The following FREM2 variants were observed in gnomAD, a reference collection of about 807,000 sequenced individuals.
The protein encoded by FREM2 is FRAS1 related extracellular matrix 2.
FREM2 carries 119 observed loss-of-function variants against 219.9 expected under a neutral mutation model. The ratio of observed to expected loss-of-function variants is 0.54; its 90% CI spans 0.47 to 0.63. The LOEUF (loss-of-function observed/expected upper bound fraction) is 0.63, where lower values mean the gene tolerates loss of function less well. Ranked by LOEUF, FREM2 falls within the 30% of genes least tolerant of loss-of-function variation. The probability of loss-of-function intolerance (pLI) is 0.00; values close to 1 mark genes in which losing one functional copy is unlikely to be tolerated. For synonymous variants in FREM2, 1,562 were observed against 1,522.8 expected (o/e 1.03, Z -0.60); for missense variants, 4,030 against 3,993.6 (o/e 1.01, Z -0.25).
intron 4 of FREM2, among the ~76,000 whole-genome samples, chr13:38,778,272 G>C (rs1873957947): frequency 6.6e-6 from 1 of 152,200 alleles, no homozygotes; most frequent in African/African-American, 2.4e-5. Flanking sequence ...CTTTCTCACA[G>C]TTCTGGAGGC....
At chr13:38,794,547 G>T (rs1418585753) in intron 6 of FREM2, among the ~76,000 whole-genome samples, 3 of 152,020 alleles carry the variant, frequency 2.0e-5, no homozygotes, top group Non-Finnish European at 4.4e-5. Context: ...GACCATCTTT[G>T]TTGGTATACT....
chr13:38,769,838 G>A (rs2137815136), intron 4 of FREM2, 30 bp downstream of exon 4: 1 of 1,536,398 alleles, frequency 6.5e-7, no homozygotes, highest in Non-Finnish European at 9.0e-7. Flanking sequence ...GGTTTATGTT[G>A]TTGCTGTTGG....
chr13:38,712,284 T>C (rs1441840644), intron 2 of FREM2, among the ~76,000 whole-genome samples: 4 of 152,178 alleles, frequency 2.6e-5, no homozygotes, highest in African/African-American at 9.7e-5. Flanking sequence ...TGCAATACTC[T>C]AGACAAATAT....
At chr13:38,757,418 G>A (rs1254821579) in intron 2 of FREM2, among the ~76,000 whole-genome samples, 1 of 152,062 alleles carries the variant, frequency 6.6e-6, no homozygotes, top group Non-Finnish European at 1.5e-5. Flanking sequence ...TGTAGTTTGT[G>A]TGACAATTAC....
At chr13:38,875,610 T>C (rs894528101) in intron 18 of FREM2, among the ~76,000 whole-genome samples, 1 of 152,220 alleles carries the variant, frequency 6.6e-6, no homozygotes, top group African/African-American at 2.4e-5. Context: ...TGCCCAGCTG[T>C]GTGGATACTA....
chr13:38,725,695 A>G (rs1871490806), intron 2 of FREM2, among the ~76,000 whole-genome samples: 1 of 152,190 alleles, frequency 6.6e-6, no homozygotes, highest in Admixed American at 6.5e-5. Context: ...CTTCACTTAA[A>G]GTTTTCTCTT....
Position 38,810,173 on chromosome 13 carries a change from A to AT in FREM2, c.6019+25366dup, listed in dbSNP as rs534648506. On this transcript the variant is annotated intron_variant, in intron 6 of 23. Coordinates refer to ENST00000280481, the MANE Select transcript of FREM2 (RefSeq NM_207361.6). ...CTATTGATTTTTATGTTGATTTTGT[A>AT]TCCTGCAACTCTAATGAATTTATCA... Among the ~76,000 whole-genome samples, 201 of 152,196 alleles carry AT rather than the reference A, an allele frequency of 1.3e-3. 1 individual carries two copies. In the South Asian group the frequency reaches 0.013, roughly 10 times the overall value.
chr13:38,798,742 GT>G (rs1874891104), intron 6 of FREM2, among the ~76,000 whole-genome samples: 1 of 151,874 alleles, frequency 6.6e-6, no homozygotes, highest in African/African-American at 2.4e-5. Flanking sequence ...AGGTTTTCCA[GT>G]TTGTTTGTTA....
At position 38,875,770 on chromosome 13, in the gene FREM2, A is replaced by C. The variant is rs559904360; in HGVS notation, c.8282-252A>C. 1.1e-4 allele frequency among the ~76,000 whole-genome samples: 17 copies of C among 152,328 alleles called. No individual in the cohort carries two copies. The East Asian group carries it at 3.1e-3, about 28-fold the overall frequency. On this transcript the variant is annotated intron_variant, in intron 18 of 23. Transcript: ENST00000280481. ...ATCTTTTGACAAAACTATAGAGCAG[A>C]AACAGTACTGAAGTAGGAATCAGAA...
intron 2 of FREM2, among the ~76,000 whole-genome samples, chr13:38,714,246 A>T (rs7338222): frequency 0.12 from 19,002 of 152,280 alleles, 1,199 homozygotes; most frequent in South Asian, 0.2. Context: ...AACCTGTATT[A>T]ATCAGTGGTT....
At chr13:38,719,324 G>A (rs1022906871) in intron 2 of FREM2, among the ~76,000 whole-genome samples, 2 of 152,144 alleles carry the variant, frequency 1.3e-5, no homozygotes, top group Non-Finnish European at 2.9e-5. Flanking sequence ...AGGTTCAAGT[G>A]ATTCTCCTGC....
chr13:38,687,899 C>T lies in FREM2; in HGVS notation c.555C>T (p.Asn185=), dbSNP rs1869559723. ...CCCAGCTGGAGGTTGTGACTCGGAA[C>T]TTGCCTCTGGTCGTGGAAGAGCTGC... The part of the protein sequence containing the change: ...VFTQLEVVTR[N]LPLVVEELLG... Residue 185 remains asparagine, a synonymous_variant, in exon 1 of 24, where the codon AAC becomes AAT. Coordinates refer to ENST00000280481, the MANE Select transcript of FREM2 (RefSeq NM_207361.6). 4 of 1,589,630 alleles carry T rather than the reference C, an allele frequency of 2.5e-6. No individual in the cohort carries two copies. The East Asian group carries it at 6.9e-5, about 27-fold the overall frequency.
At chr13:38,819,077 CAAA>C (rs1875897241) in intron 6 of FREM2, among the ~76,000 whole-genome samples, 2 of 152,098 alleles carry the variant, frequency 1.3e-5, no homozygotes, top group East Asian at 1.9e-4. Flanking sequence ...AATTTAAAAA[CAAA>C]GAAGAAGGCA....
At chr13:38,750,425 A>T in intron 2 of FREM2, among the ~76,000 whole-genome samples, 1 of 148,796 alleles carries the variant, frequency 6.7e-6, no homozygotes, top group East Asian at 2.0e-4. Flanking sequence ...AACGACTTCC[A>T]GTACCAACCA....
chr13:38,841,004 A>G (rs999775218), intron 6 of FREM2, among the ~76,000 whole-genome samples: 15 of 152,162 alleles, frequency 9.9e-5, no homozygotes, highest in African/African-American at 3.4e-4. Flanking sequence ...CTGCCTTAAT[A>G]GTAGTCAAGG....
chr13:38,689,338 C>T lies in FREM2; in HGVS notation c.1994C>T (p.Pro665Leu). Residue 665 changes from proline to leucine, a missense_variant, in exon 1 of 24, where the codon CCA becomes CTA. Transcript: ENST00000280481. ...CACTCTGGGCCCCATAGTCCTGGGC[C>T]AGTCACAGACCAGTTCACATTTAGA... ...YRHSGPHSPG[P>L]VTDQFTFRVQ... 5.6e-6 allele frequency: 9 copies of T among 1,614,082 alleles called. No individual in the cohort carries two copies. The highest frequency in any genetic ancestry group is 7.6e-6 in the Non-Finnish European group (9 of 1,180,006).
At chr13:38,848,817 T>A in intron 8 of FREM2, 147 bp downstream of exon 8, 2 of 734,124 alleles carry the variant, frequency 2.7e-6, no homozygotes, top group Non-Finnish European at 4.4e-6. Flanking sequence ...GTGGCTTAAA[T>A]AACAGAAATT....
chr13:38,871,575 A>G (rs1013146668), intron 16 of FREM2, among the ~76,000 whole-genome samples: 1 of 152,184 alleles, frequency 6.6e-6, no homozygotes, highest in Non-Finnish European at 1.5e-5. Flanking sequence ...GAAAAAAAAC[A>G]TGGGCCAAAA....
rs565169136 is a variant in FREM2 at position 38,850,195 on chromosome 13, A to C, written c.6537A>C (p.Glu2179Asp). Reference sequence around the variant, plus strand: ...CACAGGTGATGATGGACTTTGAAGAACGCCCAAACACTGATACCTCCATCA... The same window carrying C: ...CACAGGTGATGATGGACTTTGAAGACCGCCCAAACACTGATACCTCCATCA... ...GSAQVMMDFEERPNTDTSIIT... is the reference protein window; with the variant it reads ...GSAQVMMDFEDRPNTDTSIIT... Residue 2179 changes from glutamate (E) to aspartate (D), a missense_variant, in exon 9 of 24, where the codon GAA becomes GAC. Glu to Asp is a conservative substitution (Grantham distance 45). Coordinates refer to ENST00000280481, the MANE Select transcript of FREM2 (RefSeq NM_207361.6). 1.9e-6 allele frequency: 3 copies of C among 1,613,980 alleles called. No individual in the cohort carries two copies. Among genetic ancestry groups the C allele is most frequent in the East Asian group, 2.2e-5 (1 of 44,860 alleles).
Sources: gnomAD v4.1 joint callset for allele counts (sites outside exome capture counted in the v4.1 genomes callset) on GRCh38, gnomAD v4.1.1 for gene constraint, MANE v1.5 for transcripts, NCBI Gene and HGNC (gene_info 2026-07-23, HGNC 2026-07-21) for gene names.